MAF: variants seen among roughly 807,000 people sequenced by gnomAD.
MAF encodes the protein MAF bZIP transcription factor, also known as transcription factor Maf.
Under a neutral mutation model 22.0 loss-of-function variants are expected in MAF, and 10 were observed. The ratio of observed to expected loss-of-function variants is 0.45; its 90% CI spans 0.28 to 0.77. The LOEUF is 0.77. Among genes scored for constraint, MAF ranks in the 30% least tolerant of loss-of-function variants. MAF has a pLI of 0.12. For missense variants in MAF, 544 were observed against 548.4 expected (o/e 0.99, Z 0.08); for synonymous variants, 337 against 255.8 (o/e 1.32, Z -3.03).
At chr16:79,249,543 T>C in the MAF span, among the ~76,000 whole-genome samples, 1 of 152,088 alleles carries the variant, frequency 6.6e-6, no homozygotes, top group Non-Finnish European at 1.5e-5. Context: ...TGCAACCTGA[T>C]TCCCAGCAGA....
At chr16:79,319,470 CT>C in the MAF span, among the ~76,000 whole-genome samples, 1 of 152,124 alleles carries the variant, frequency 6.6e-6, no homozygotes, top group East Asian at 1.9e-4. Flanking sequence ...TAACACTGAC[CT>C]TCAGTCCCCT....
At chr16:79,392,939 G>T in the MAF span, among the ~76,000 whole-genome samples, 3 of 152,170 alleles carry the variant, frequency 2.0e-5, no homozygotes, top group Non-Finnish European at 4.4e-5. Context: ...CCCCAGTAAT[G>T]GTGGACTCAT....
At chr16:79,450,757 G>T in the MAF span, among the ~76,000 whole-genome samples, 1 of 151,978 alleles carries the variant, frequency 6.6e-6, no homozygotes, top group East Asian at 1.9e-4. Context: ...TGTGGCCCAT[G>T]GAGAAATTAA....
chr16:79,495,858 T>C, the MAF span, among the ~76,000 whole-genome samples: 1 of 152,190 alleles, frequency 6.6e-6, no homozygotes, highest in Non-Finnish European at 1.5e-5. Context: ...CTGGGCACCA[T>C]GGACACGGGA....
the MAF span, among the ~76,000 whole-genome samples, chr16:79,444,446 A>G: frequency 2.6e-5 from 4 of 152,316 alleles, no homozygotes; most frequent in East Asian, 1.9e-4. Flanking sequence ...CTTATGAATT[A>G]TATAGCCTTG....
chr16:79,302,309 T>C, the MAF span, among the ~76,000 whole-genome samples: 23 of 152,216 alleles, frequency 1.5e-4, no homozygotes, highest in African/African-American at 5.5e-4. Context: ...GGCTCTCTAA[T>C]TTCTAATGAG....
At chr16:79,488,386 C>G in the MAF span, among the ~76,000 whole-genome samples, 2 of 152,144 alleles carry the variant, frequency 1.3e-5, no homozygotes, top group Non-Finnish European at 2.9e-5. Flanking sequence ...TGGGGCGAGA[C>G]TGCTTGGGAT....
the MAF span, among the ~76,000 whole-genome samples, chr16:79,455,752 T>C: frequency 6.6e-6 from 1 of 152,226 alleles, no homozygotes; most frequent in Non-Finnish European, 1.5e-5. Context: ...GCATGGCGGC[T>C]CATGCCTGTA....
chr16:79,585,256 A>C (rs1007663700), downstream of MAF, among the ~76,000 whole-genome samples: 4 of 152,220 alleles, frequency 2.6e-5, no homozygotes, highest in African/African-American at 9.7e-5. Flanking sequence ...TTAATAGATG[A>C]AAATCAGGTT....
At chr16:79,273,766 C>G in the MAF span, among the ~76,000 whole-genome samples, 1 of 152,130 alleles carries the variant, frequency 6.6e-6, no homozygotes, top group Admixed American at 6.6e-5. Flanking sequence ...CTTATTTTAA[C>G]GTCAGCTGAT....
chr16:79,388,172 G>A, the MAF span, among the ~76,000 whole-genome samples: 3 of 150,704 alleles, frequency 2.0e-5, no homozygotes, highest in Non-Finnish European at 4.4e-5. Flanking sequence ...ATAAATAAAT[G>A]CACAGTTATG....
the MAF span, among the ~76,000 whole-genome samples, chr16:79,256,648 T>A: frequency 6.6e-6 from 1 of 152,120 alleles, no homozygotes; most frequent in Non-Finnish European, 1.5e-5. Context: ...CAAAGCCAGG[T>A]CTCCCGTTAT....
the MAF span, among the ~76,000 whole-genome samples, chr16:79,213,445 TG>T: frequency 6.6e-6 from 1 of 152,242 alleles, no homozygotes; most frequent in East Asian, 1.9e-4. Context: ...TATTGTCATT[TG>T]CAAAAGCAGC....
chr16:79,215,874 T>C, the MAF span, among the ~76,000 whole-genome samples: 2 of 152,168 alleles, frequency 1.3e-5, no homozygotes, highest in African/African-American at 2.4e-5. Flanking sequence ...TCTACGTTAC[T>C]TGAAGATGAA....
At chr16:79,495,769 G>T in the MAF span, among the ~76,000 whole-genome samples, 2 of 152,140 alleles carry the variant, frequency 1.3e-5, no homozygotes, top group African/African-American at 4.8e-5. Flanking sequence ...TGGGACTTCT[G>T]CAAGGAGCAG....
chr16:79,247,969 C>A, the MAF span, among the ~76,000 whole-genome samples: 1 of 151,870 alleles, frequency 6.6e-6, no homozygotes, highest in African/African-American at 2.4e-5. Context: ...ACATCTTTTC[C>A]CAATACTTCT....
the MAF span, among the ~76,000 whole-genome samples, chr16:79,495,305 A>G: frequency 2.0e-5 from 3 of 151,536 alleles, no homozygotes; most frequent in Non-Finnish European, 4.4e-5. Flanking sequence ...CTAAAAAAAC[A>G]TTTTTTTTTA....
chr16:79,476,437 A>G, the MAF span, among the ~76,000 whole-genome samples: 2 of 152,372 alleles, frequency 1.3e-5, no homozygotes, highest in Non-Finnish European at 2.9e-5. Context: ...ATTTTTCTGC[A>G]ATAGAAAGTT....
the MAF span, chr16:79,212,323 C>T: frequency 2.5e-6 from 2 of 785,534 alleles, no homozygotes; most frequent in African/African-American, 1.7e-5. Context: ...ATCTCAGAAC[C>T]TTGTCCCAGC....
Sources: allele counts gnomAD v4.1 joint callset (sites outside exome capture counted in the v4.1 genomes callset), GRCh38; gene constraint gnomAD v4.1.1; transcripts MANE v1.5; gene names NCBI Gene and HGNC (gene_info 2026-07-23, HGNC 2026-07-21).